Variants in ARL6IP5 observed in about 807,000 individuals in gnomAD.
ARL6IP5 encodes the protein PRA1 family protein 3.
Under a neutral mutation model 13.0 loss-of-function variants are expected in ARL6IP5, and 6 were observed. The ratio of observed to expected loss-of-function variants is 0.46; its 90% CI spans 0.25 to 0.91. The LOEUF is 0.91. Ranked by LOEUF, ARL6IP5 falls within the 40% of genes least tolerant of loss-of-function variation. The pLI, the probability that ARL6IP5 is intolerant of heterozygous loss-of-function variation, is 0.17. For synonymous variants in ARL6IP5, 91 were observed against 91.9 expected (o/e 0.99, Z 0.06); for missense variants, 208 against 248.8 (o/e 0.84, Z 1.10).
chr3:69,103,429 C>T (rs750104542), intron 2 of ARL6IP5, among the ~76,000 whole-genome samples: 6 of 152,148 alleles, frequency 3.9e-5, no homozygotes, highest in South Asian at 2.1e-4. Flanking sequence ...GATTCCCAAA[C>T]GGATAATTGT....
rs779589390 is a variant in ARL6IP5 at position 69,085,094 on chromosome 3, C to A, written c.47C>A (p.Pro16Gln). 5 of 1,614,208 alleles carry A rather than the reference C, an allele frequency of 3.1e-6. No homozygotes were observed. The highest frequency in any genetic ancestry group is 4.2e-6 in the Non-Finnish European group (5 of 1,180,036). ...CTCCGCGCCTGGGACGATTTCTTCC[C>A]GGGTTCCGATCGCTTTGCCCGGCCG... The part of the protein sequence containing the change: ...APLRAWDDFF[P>Q]GSDRFARPDF... Residue 16 changes from proline (P) to glutamine (Q), a missense_variant, in exon 1 of 3, where the codon CCG becomes CAG. By Grantham distance (76) the Pro-to-Gln change is moderately conservative. Coordinates refer to ENST00000273258, the MANE Select transcript of ARL6IP5 (RefSeq NM_006407.4).
chr3:69,094,471 T>C (rs1055090162), intron 1 of ARL6IP5, among the ~76,000 whole-genome samples: 1 of 152,216 alleles, frequency 6.6e-6, no homozygotes. Flanking sequence ...GGTGGGTTCA[T>C]ATTTGCAGTG....
At chr3:69,085,334 C>T in intron 1 of ARL6IP5, 111 bp downstream of exon 1, 1 of 1,353,104 alleles carries the variant, frequency 7.4e-7, no homozygotes. Flanking sequence ...CAGCGCCTGC[C>T]CTGGCAATTC....
intron 1 of ARL6IP5, among the ~76,000 whole-genome samples, chr3:69,086,176 C>T (rs1336150173): frequency 6.6e-6 from 1 of 152,286 alleles, no homozygotes; most frequent in South Asian, 2.1e-4. Flanking sequence ...AGCAAGCTGG[C>T]TTGGGAGAAA....
intron 1 of ARL6IP5, among the ~76,000 whole-genome samples, chr3:69,095,005 G>C (rs1179624214): frequency 2.0e-5 from 3 of 152,170 alleles, no homozygotes; most frequent in Non-Finnish European, 4.4e-5. Context: ...AGAGAGAAAT[G>C]AGAGTGCAGA....
intron 1 of ARL6IP5, among the ~76,000 whole-genome samples, chr3:69,092,987 C>G (rs1217333825): frequency 1.3e-5 from 2 of 152,154 alleles, no homozygotes; most frequent in African/African-American, 2.4e-5. Flanking sequence ...ACATTATTCT[C>G]TCTACCTATG....
chr3:69,097,358 G>C (rs1336149378), intron 1 of ARL6IP5, among the ~76,000 whole-genome samples: 1 of 147,796 alleles, frequency 6.8e-6, no homozygotes, highest in Non-Finnish European at 1.5e-5. Context: ...TTTTTTTGGA[G>C]AGATGGGGTT....
chr3:69,101,316 C>CT (rs549402201), intron 1 of ARL6IP5, among the ~76,000 whole-genome samples: 2,433 of 119,446 alleles, frequency 0.02, 127 homozygotes, highest in African/African-American at 0.064. Context: ...TCAGCTCCAC[C>CT]TTTTTTTTTT....
intron 1 of ARL6IP5, among the ~76,000 whole-genome samples, chr3:69,092,944 A>T (rs2092273865): frequency 6.6e-6 from 1 of 152,118 alleles, no homozygotes; most frequent in Non-Finnish European, 1.5e-5. Flanking sequence ...CTAATTGTGA[A>T]AGCAGTGATG....
At chr3:69,088,227 T>G (rs1330804154) in intron 1 of ARL6IP5, among the ~76,000 whole-genome samples, 1 of 152,210 alleles carries the variant, frequency 6.6e-6, no homozygotes, top group Non-Finnish European at 1.5e-5. Flanking sequence ...CTTCTCATTC[T>G]AAAGAGAACT....
At chr3:69,093,962 A>G (rs913383501) in intron 1 of ARL6IP5, among the ~76,000 whole-genome samples, 2 of 152,126 alleles carry the variant, frequency 1.3e-5, no homozygotes, top group African/African-American at 4.8e-5. Flanking sequence ...TTGAGGAAAG[A>G]AAAGAAAAGG....
chr3:69,097,027 C>G (rs1385232561), intron 1 of ARL6IP5, among the ~76,000 whole-genome samples: 1 of 151,598 alleles, frequency 6.6e-6, no homozygotes, highest in South Asian at 2.1e-4. Flanking sequence ...TTTTTAAATA[C>G]CAATTTTTTT....
At chr3:69,096,245 T>A (rs1197816344) in intron 1 of ARL6IP5, among the ~76,000 whole-genome samples, 1 of 152,228 alleles carries the variant, frequency 6.6e-6, no homozygotes, top group Non-Finnish European at 1.5e-5. Flanking sequence ...AACTTCAGGC[T>A]CTGTTCTTTT....
intron 1 of ARL6IP5, among the ~76,000 whole-genome samples, chr3:69,095,394 A>C (rs1398497774): frequency 6.6e-6 from 1 of 151,532 alleles, no homozygotes; most frequent in Non-Finnish European, 1.5e-5. Context: ...AAATATATAC[A>C]AACATATGTA....
chr3:69,099,199 C>T (rs1052496846), intron 1 of ARL6IP5, among the ~76,000 whole-genome samples: 6 of 150,126 alleles, frequency 4.0e-5, no homozygotes, highest in Admixed American at 1.3e-4. Context: ...GGTGAAACCC[C>T]GTCTTTACTA....
In ARL6IP5 at chr3:69,104,696, G is replaced by C. The variant is rs1304868056; in HGVS notation, c.*60G>C. The C allele has an allele frequency of 3.2e-6, 5 of 1,583,632 alleles. No homozygotes were observed. The African/African-American group carries it at 6.8e-5, about 21-fold the overall frequency. On this transcript the variant is annotated 3_prime_UTR_variant, in exon 3 of 3. Transcript: ENST00000273258. ...TTGAGTTGCAGCTTGCCCTTGTCCA[G>C]ACCTATGTTCTGCTTGCGTTTTTGA...
chr3:69,098,543 C>G (rs752919923), intron 1 of ARL6IP5, among the ~76,000 whole-genome samples: 10 of 152,042 alleles, frequency 6.6e-5, no homozygotes, highest in Non-Finnish European at 1.2e-4. Flanking sequence ...CCATGCCCAG[C>G]CCAGGCCCAG....
intron 1 of ARL6IP5, among the ~76,000 whole-genome samples, chr3:69,094,936 T>A (rs1309645425): frequency 6.6e-6 from 1 of 152,192 alleles, no homozygotes; most frequent in Non-Finnish European, 1.5e-5. Flanking sequence ...ACATAGCTAC[T>A]GAATCACGTT....
chr3:69,103,790 A>C (rs2092313449), intron 2 of ARL6IP5, among the ~76,000 whole-genome samples: 1 of 152,200 alleles, frequency 6.6e-6, no homozygotes, highest in Admixed American at 6.5e-5. Flanking sequence ...AACCACTGGT[A>C]TAGATCATAT....
Sources: gnomAD v4.1 joint callset for allele counts (sites outside exome capture counted in the v4.1 genomes callset) on GRCh38, gnomAD v4.1.1 for gene constraint, MANE v1.5 for transcripts, NCBI Gene and HGNC (gene_info 2026-07-23, HGNC 2026-07-21) for gene names.